Variants in ZNF267 observed in about 807,000 individuals in gnomAD.
ZNF267 encodes the protein zinc finger (C2H2).
A neutral mutation model predicts 71.6 loss-of-function variants in ZNF267; 61 were observed. That is an observed-to-expected ratio of 0.85 (90% confidence interval 0.69 to 1.05). The LOEUF (loss-of-function observed/expected upper bound fraction) is 1.05. Among genes scored for constraint, ZNF267 ranks in the 50% least tolerant of loss-of-function variants. The pLI is 0.00. For missense variants in ZNF267, 852 were observed against 870.0 expected (o/e 0.98, Z 0.26); for synonymous variants, 288 against 293.2 (o/e 0.98, Z 0.18).
chr16:31,915,895 A>G lies in ZNF267; in HGVS notation c.1646A>G (p.Lys549Arg), dbSNP rs781266280. 3.7e-6 allele frequency: 6 copies of G among 1,613,574 alleles called. No individual in the cohort carries two copies. The highest frequency in any genetic ancestry group is 5.1e-6 in the Non-Finnish European group (6 of 1,179,950). Residue 549 changes from lysine to arginine, a missense_variant, in exon 4 of 4, where the codon AAA (lysine) becomes AGA (arginine). By Grantham distance (26) the Lys-to-Arg change is conservative. Coordinates refer to ENST00000300870, the MANE Select transcript of ZNF267 (RefSeq NM_003414.6). ...ATTCATACTGGAGAGAAACCCTATA[A>G]ATGTAAAGAATGTGGCAAAGCCTTT... ...ERIHTGEKPY[K>R]CKECGKAFPY... is the part of the protein sequence containing the mutation.
At chr16:31,891,373 G>A (rs1366407028) in intron 3 of ZNF267, among the ~76,000 whole-genome samples, 2 of 152,074 alleles carry the variant, frequency 1.3e-5, no homozygotes, top group Non-Finnish European at 1.5e-5. Flanking sequence ...GTACACTAAC[G>A]TTATGGTATT....
chr16:31,911,017 A>G (rs1314138338), intron 3 of ZNF267, among the ~76,000 whole-genome samples: 1 of 151,330 alleles, frequency 6.6e-6, no homozygotes, highest in Non-Finnish European at 1.5e-5. Flanking sequence ...CTTGTTACTG[A>G]TTTCTAGTTA....
At chr16:31,884,454 C>G (rs369240566) in intron 1 of ZNF267, 44 bp from the exon 2 acceptor site, 85 of 1,612,458 alleles carry the variant, frequency 5.3e-5, no homozygotes, top group Non-Finnish European at 6.7e-5. Context: ...ATGAAGAACT[C>G]TGCCATGGCC....
chr16:31,914,568 G>C lies in ZNF267; in HGVS notation c.319G>C (p.Asp107His). 1 of 1,614,148 alleles carries C rather than the reference G, an allele frequency of 6.2e-7. No homozygotes were observed. Among genetic ancestry groups the C allele is most frequent in the Non-Finnish European group, 8.5e-7 (1 of 1,180,020 alleles). ...GATATCGAGGAGACATGGGAGCTGT[G>C]ATCTTGAGAATTTACATTTAAGAAA... ...KVISRRHGSC[D>H]LENLHLRKRW... is the part of the protein sequence containing the mutation. Residue 107 changes from aspartate (D) to histidine (H), a missense_variant, in exon 4 of 4, where the codon GAT (aspartate) becomes CAT (histidine). By Grantham distance (81) the Asp-to-His change is moderately conservative. Transcript: ENST00000300870.
chr16:31,891,143 A>T (rs1439315886), intron 3 of ZNF267, among the ~76,000 whole-genome samples: 1 of 152,118 alleles, frequency 6.6e-6, no homozygotes, highest in Non-Finnish European at 1.5e-5. Context: ...GACTTAGATA[A>T]AATATCTTAT....
At position 31,914,557 on chromosome 16, in the gene ZNF267, A is replaced by G. The variant is rs1469792197; in HGVS notation, c.308A>G (p.His103Arg). 3.7e-6 allele frequency: 6 copies of G among 1,614,070 alleles called. No individual in the cohort carries two copies. The South Asian group carries it at 4.4e-5, about 12-fold the overall frequency. Reference protein sequence around the residue: ...ASFQKVISRRHGSCDLENLHL... With the variant: ...ASFQKVISRRRGSCDLENLHL... ...TTCCAAAAAGTGATATCGAGGAGAC[A>G]TGGGAGCTGTGATCTTGAGAATTTA... Residue 103 changes from histidine (H) to arginine (R), a missense_variant, in exon 4 of 4, where the codon CAT becomes CGT. Transcript: ENST00000300870.
intron 1 of ZNF267, 150 bp downstream of exon 1, chr16:31,874,119 C>T (rs2083834752): frequency 2.4e-6 from 2 of 830,222 alleles, no homozygotes; most frequent in Non-Finnish European, 3.8e-6. Flanking sequence ...CCCTCGGTCC[C>T]CTCCGCTGCA....
chr16:31,914,781 C>G lies in ZNF267; in HGVS notation c.532C>G (p.Gln178Glu). ...VFTHSSLLNQ[Q>E]EEIDIWGKHH... ...TACTCATTCATCATTGCTTAATCAA[C>G]AAGAGGAAATAGATATTTGGGGAAA... The change falls in exon 4 of 4, where the codon CAA becomes GAA. Residue 178 changes from glutamine to glutamate, a missense_variant. Coordinates refer to ENST00000300870, the MANE Select transcript of ZNF267 (RefSeq NM_003414.6). 6.2e-7 allele frequency: 1 copy of G among 1,613,402 alleles called. No individual in the cohort carries two copies. The highest frequency in any genetic ancestry group is 8.5e-7 in the Non-Finnish European group (1 of 1,179,836).
chr16:31,885,250 C>T lies in ZNF267; in HGVS notation c.220C>T (p.Gln74Ter), dbSNP rs1415147862. The T allele has an allele frequency of 6.2e-7, 1 of 1,605,878 alleles. No homozygotes were observed. Among genetic ancestry groups the T allele is most frequent in the East Asian group, 2.2e-5 (1 of 44,764 alleles). Residue 74 changes from glutamine to a stop codon, truncating the protein, a stop_gained, in exon 3 of 4, where the codon CAG (glutamine) becomes TAG (stop). Transcript: ENST00000300870. LOFTEE classifies it high-confidence loss of function. ...NVKSEETVAI[Q>*]PDVFSHYNKD... is the part of the protein sequence containing the mutation. ...GAAGAGTGAGGAGACAGTAGCCATC[C>T]AGCCAGGTAGGTGGGAGCGAATGAA...
chr16:31,905,408 C>CA lies in ZNF267; in HGVS notation c.227-9067dup, dbSNP rs2084080762. Among the ~76,000 whole-genome samples, 3 of 152,212 alleles carry CA rather than the reference C, an allele frequency of 2.0e-5. No homozygotes were observed. In the South Asian group the frequency reaches 6.2e-4, roughly 32 times the overall value. On this transcript the variant is annotated intron_variant, in intron 3 of 3. Transcript: ENST00000300870. Reference sequence around the variant, plus strand: ...TCCAACTTGGTTCCATTCTCCTCGTCACTTTCAGGTACACCAATGAGACGT... The same window carrying CA: ...TCCAACTTGGTTCCATTCTCCTCGTCAACTTTCAGGTACACCAATGAGACGT...
At chr16:31,891,769 T>G (rs896630640) in intron 3 of ZNF267, among the ~76,000 whole-genome samples, 3 of 152,196 alleles carry the variant, frequency 2.0e-5, no homozygotes, top group African/African-American at 7.2e-5. Flanking sequence ...CTTTCTTTTA[T>G]AAATTGCCCA....
chr16:31,879,685 C>T (rs993903880), intron 1 of ZNF267, among the ~76,000 whole-genome samples: 1 of 152,154 alleles, frequency 6.6e-6, no homozygotes, highest in Admixed American at 6.5e-5. Flanking sequence ...TCAGTCGCTT[C>T]TAGAATAGTT....
chr16:31,904,768 G>C (rs1025534232), intron 3 of ZNF267, among the ~76,000 whole-genome samples: 7 of 152,170 alleles, frequency 4.6e-5, no homozygotes, highest in Non-Finnish European at 1.0e-4. Flanking sequence ...TTTAATTGGA[G>C]CATTTAGCCC....
In ZNF267 at chr16:31,888,219, C is replaced by T. The variant is rs1197966430; in HGVS notation, c.226+2963C>T. Among the ~76,000 whole-genome samples, 4 of 151,984 alleles carry T rather than the reference C, an allele frequency of 2.6e-5. No individual in the cohort carries two copies. The East Asian group carries it at 7.7e-4, about 29-fold the overall frequency. ...TAATTTTTGTATATTTTTGTGGCCT[C>T]AACTTTACTGAATGGATATATTAGC... On this transcript the variant is annotated intron_variant, in intron 3 of 3. Coordinates refer to ENST00000300870, the MANE Select transcript of ZNF267 (RefSeq NM_003414.6).
intron 1 of ZNF267, among the ~76,000 whole-genome samples, chr16:31,882,586 A>C (rs907802213): frequency 6.6e-6 from 1 of 152,204 alleles, no homozygotes; most frequent in Non-Finnish European, 1.5e-5. Context: ...TTGAGAGGCA[A>C]TGCTTAGCTA....
intron 3 of ZNF267, chr16:31,894,768 G>C (rs142793997): frequency 2.0e-6 from 1 of 496,136 alleles, no homozygotes; most frequent in Non-Finnish European, 4.0e-6. Flanking sequence ...TCATTTTTCA[G>C]CAGTTTCTTC....
At chr16:31,889,255 GTCTCTC>G (rs779378659) in intron 3 of ZNF267, among the ~76,000 whole-genome samples, 1 of 143,284 alleles carries the variant, frequency 7.0e-6, no homozygotes, top group Non-Finnish European at 1.5e-5. Flanking sequence ...TATTTTTCTA[GTCTCTC>G]TCTCTCTTTG....
At chr16:31,880,555 A>T (rs1291820765) in intron 1 of ZNF267, among the ~76,000 whole-genome samples, 1 of 152,150 alleles carries the variant, frequency 6.6e-6, no homozygotes, top group Non-Finnish European at 1.5e-5. Flanking sequence ...TCCTGCCTGA[A>T]TCACTATTGG....
intron 1 of ZNF267, chr16:31,875,246 C>T: frequency 1.6e-6 from 2 of 1,289,176 alleles, no homozygotes; most frequent in Non-Finnish European, 2.0e-6. Flanking sequence ...GCCATGTCTC[C>T]TGGAGTGTTT....
Sources: gnomAD v4.1 joint callset for allele counts (sites outside exome capture counted in the v4.1 genomes callset) on GRCh38, gnomAD v4.1.1 for gene constraint, MANE v1.5 for transcripts, NCBI Gene and HGNC (gene_info 2026-07-23, HGNC 2026-07-21) for gene names.